The following HHAT variants were observed in gnomAD, a reference collection of about 807,000 sequenced individuals.
HHAT encodes hedgehog acyltransferase, also known as protein-cysteine N-palmitoyltransferase HHAT.
HHAT carries 47 observed loss-of-function variants against 70.8 expected under a neutral mutation model. The observed-to-expected ratio is 0.66, with a 90% confidence interval of 0.53 to 0.85. The LOEUF (loss-of-function observed/expected upper bound fraction) is 0.85, where lower values mean the gene tolerates loss of function less well. HHAT is among the 40% of genes least tolerant of loss of function. The probability of loss-of-function intolerance (pLI) is 0.00; values close to 1 mark genes in which losing one functional copy is unlikely to be tolerated. For synonymous variants in HHAT, 228 were observed against 247.6 expected, an observed-to-expected ratio of 0.92 and a Z score of 0.74; for missense variants, 609 against 604.8, an observed-to-expected ratio of 1.01 and a Z score of -0.07.
chr1:210,595,092 T>C (rs972665651), intron 10 of HHAT, among the ~76,000 whole-genome samples: 2 of 152,168 alleles, frequency 1.3e-5, no homozygotes, highest in Non-Finnish European at 2.9e-5. Flanking sequence ...ATTAGGTATA[T>C]CTCCTAATGC....
At chr1:210,672,430 C>T (rs945236096) in intron 11 of HHAT, among the ~76,000 whole-genome samples, 1 of 152,212 alleles carries the variant, frequency 6.6e-6, no homozygotes, top group African/African-American at 2.4e-5. Flanking sequence ...TGGTCTTCCT[C>T]TAGTAGCTGG....
At chr1:210,592,302 G>A (rs1661904383) in intron 10 of HHAT, among the ~76,000 whole-genome samples, 1 of 151,918 alleles carries the variant, frequency 6.6e-6, no homozygotes, top group African/African-American at 2.4e-5. Flanking sequence ...CTTTCCCCCA[G>A]TGTATGTTCT....
intron 3 of HHAT, among the ~76,000 whole-genome samples, chr1:210,364,947 T>G (rs1267069517): frequency 3.9e-5 from 6 of 152,344 alleles, no homozygotes; most frequent in Middle Eastern, 6.8e-3. Flanking sequence ...GACTATCCAT[T>G]CATCTACCAG....
At chr1:210,491,902 A>G (rs1446902459) in intron 8 of HHAT, among the ~76,000 whole-genome samples, 1 of 152,146 alleles carries the variant, frequency 6.6e-6, no homozygotes, top group East Asian at 1.9e-4. Flanking sequence ...AGCTGGGACT[A>G]TAGATGCACA....
At chr1:210,511,994 G>C (rs1257055394) in intron 8 of HHAT, among the ~76,000 whole-genome samples, 1 of 152,040 alleles carries the variant, frequency 6.6e-6, no homozygotes, top group African/African-American at 2.4e-5. Context: ...CTGGCTACAT[G>C]ATCAGAGGTT....
chr1:210,630,334 G>A (rs528736986), intron 11 of HHAT, among the ~76,000 whole-genome samples: 5 of 152,256 alleles, frequency 3.3e-5, no homozygotes, highest in South Asian at 2.1e-4. Flanking sequence ...TCAGCCTACC[G>A]CAGCATGCTG....
At chr1:210,613,421 C>T (rs1666986324) in intron 10 of HHAT, among the ~76,000 whole-genome samples, 1 of 152,170 alleles carries the variant, frequency 6.6e-6, no homozygotes, top group South Asian at 2.1e-4. Context: ...TTGTTGAAAA[C>T]TATTTAACCG....
At chr1:210,332,917 C>A (rs1159302578) in intron 1 of HHAT, among the ~76,000 whole-genome samples, 2 of 152,152 alleles carry the variant, frequency 1.3e-5, no homozygotes, top group African/African-American at 4.8e-5. Context: ...AAGAAGCTTA[C>A]CAGTGATGTT....
rs145262474 is a variant in HHAT, at chr1:210,431,059, T to C, written c.856+12734T>C. On this transcript the variant is annotated intron_variant, in intron 7 of 11. Coordinates refer to ENST00000261458, the MANE Select transcript of HHAT (RefSeq NM_018194.6). ...TTTGGGATGTTTGATTGTGAGCCCA[T>C]GTTAATTGCTGCTTTGTCCTTGGGA... Among the ~76,000 whole-genome samples, 109 of 152,100 alleles carry C rather than the reference T, an allele frequency of 7.2e-4. 1 individual carries two copies. Among genetic ancestry groups the C allele is most frequent in the African/African-American group, 2.6e-3 (109 of 41,344 alleles).
intron 9 of HHAT, among the ~76,000 whole-genome samples, chr1:210,524,582 G>T (rs2095217640): frequency 6.6e-6 from 1 of 152,234 alleles, no homozygotes; most frequent in South Asian, 2.1e-4. Flanking sequence ...GGAACAGCCA[G>T]ACTGTGATGA....
chr1:210,416,129 T>C (rs1325024385), intron 6 of HHAT, among the ~76,000 whole-genome samples: 1 of 152,146 alleles, frequency 6.6e-6, no homozygotes, highest in Non-Finnish European at 1.5e-5. Context: ...ACTGGAAGAA[T>C]GTATGTTAGA....
intron 3 of HHAT, among the ~76,000 whole-genome samples, chr1:210,373,534 A>G (rs914781950): frequency 1.3e-5 from 2 of 152,168 alleles, no homozygotes; most frequent in Non-Finnish European, 2.9e-5. Flanking sequence ...GACTGATGCT[A>G]CTTTCAGGGA....
chr1:210,491,230 T>C (rs1268422004), intron 8 of HHAT, among the ~76,000 whole-genome samples: 1 of 152,098 alleles, frequency 6.6e-6, no homozygotes, highest in East Asian at 1.9e-4. Flanking sequence ...CATCACCATC[T>C]CTCGGAACTG....
chr1:210,400,811 G>T (rs933923772), intron 5 of HHAT, 149 bp downstream of exon 5: 17 of 697,640 alleles, frequency 2.4e-5, no homozygotes, highest in Non-Finnish European at 3.3e-5. Context: ...TGCTACAAGT[G>T]AACCCTAGTG....
intron 7 of HHAT, among the ~76,000 whole-genome samples, chr1:210,425,771 G>T (rs2093044487): frequency 6.6e-6 from 1 of 152,090 alleles, no homozygotes; most frequent in Non-Finnish European, 1.5e-5. Flanking sequence ...AAGTTGGGTA[G>T]CATGATGCCT....
intron 7 of HHAT, among the ~76,000 whole-genome samples, chr1:210,449,663 C>T (rs2093708387): frequency 6.6e-6 from 1 of 152,174 alleles, no homozygotes. Flanking sequence ...CTGAGTGTTC[C>T]AGTCCTAAAC....
chr1:210,399,338 C>A (rs1242046479), intron 4 of HHAT, among the ~76,000 whole-genome samples: 2 of 152,118 alleles, frequency 1.3e-5, no homozygotes, highest in African/African-American at 4.8e-5. Flanking sequence ...CTCACAGCAA[C>A]CTCTGCCTCC....
intron 7 of HHAT, among the ~76,000 whole-genome samples, chr1:210,430,482 C>A (rs1221862734): frequency 6.6e-6 from 1 of 151,812 alleles, no homozygotes; most frequent in Non-Finnish European, 1.5e-5. Flanking sequence ...ATTTTAAATT[C>A]AGATTTAACA....
intron 11 of HHAT, among the ~76,000 whole-genome samples, chr1:210,645,169 C>T (rs904101898): frequency 2.6e-5 from 4 of 152,190 alleles, no homozygotes; most frequent in Non-Finnish European, 4.4e-5. Flanking sequence ...GCCTAGCGGA[C>T]GGGACAGGCT....
Sources: allele counts gnomAD v4.1 joint callset (sites outside exome capture counted in the v4.1 genomes callset), GRCh38; gene constraint gnomAD v4.1.1; transcripts MANE v1.5; gene names NCBI Gene and HGNC (gene_info 2026-07-23, HGNC 2026-07-21).